ORC5: variants seen among roughly 807,000 people sequenced by gnomAD.
ORC5 encodes protein phosphatase 1, regulatory subunit 117.
Under a neutral mutation model 58.8 loss-of-function variants are expected in ORC5, and 39 were observed. That is an observed-to-expected ratio of 0.66 (90% CI 0.51 to 0.87). The LOEUF is 0.87. Ranked by LOEUF, ORC5 falls within the 40% of genes least tolerant of loss-of-function variation. The pLI, the probability that ORC5 is intolerant of heterozygous loss-of-function variation, is 0.00. For missense variants in ORC5, 493 were observed against 506.3 expected (o/e 0.97, Z 0.25); for synonymous variants, 218 against 177.6 (o/e 1.23, Z -1.81).
chr7:104,135,689 T>C (rs1473710101), intron 13 of ORC5, among the ~76,000 whole-genome samples: 1 of 152,182 alleles, frequency 6.6e-6, no homozygotes, highest in African/African-American at 2.4e-5. Flanking sequence ...CTTCAGAACC[T>C]CAAGAAGCTG....
chr7:104,195,315 T>G (rs1799774749), intron 4 of ORC5, 61 bp from the exon 5 acceptor site: 1 of 918,860 alleles, frequency 1.1e-6, no homozygotes. Flanking sequence ...GAGCAGTATT[T>G]CCATTTGGAT....
chr7:104,175,118 T>C (rs973587825), intron 8 of ORC5, among the ~76,000 whole-genome samples: 1 of 152,218 alleles, frequency 6.6e-6, no homozygotes, highest in Non-Finnish European at 1.5e-5. Flanking sequence ...TGCCTGTCTC[T>C]CCTTCTGCCT....
intron 5 of ORC5, among the ~76,000 whole-genome samples, chr7:104,193,731 A>AAC (rs71154397): frequency 1.3e-5 from 2 of 150,948 alleles, no homozygotes; most frequent in Admixed American, 6.6e-5. Context: ...AAAAAAAAAA[A>AAC]CAAAACTGAA....
chr7:104,127,954 T>C (rs1798455229), intron 13 of ORC5, among the ~76,000 whole-genome samples: 1 of 152,134 alleles, frequency 6.6e-6, no homozygotes, highest in Admixed American at 6.5e-5. Flanking sequence ...TTCCAAATGG[T>C]ATAAAACTGC....
intron 12 of ORC5, among the ~76,000 whole-genome samples, chr7:104,151,738 G>A (rs186492967): frequency 6.5e-4 from 99 of 152,276 alleles, no homozygotes; most frequent in African/African-American, 2.3e-3. Context: ...TAGAGAATAA[G>A]AACTAGAAAT....
chr7:104,144,380 T>C (rs1327032804), intron 12 of ORC5, among the ~76,000 whole-genome samples: 2 of 152,216 alleles, frequency 1.3e-5, no homozygotes, highest in Non-Finnish European at 2.9e-5. Context: ...TTCCTTTCTA[T>C]TATCCAATCC....
At chr7:104,171,307 T>C (rs1267939935) in intron 8 of ORC5, among the ~76,000 whole-genome samples, 1 of 152,228 alleles carries the variant, frequency 6.6e-6, no homozygotes, top group Non-Finnish European at 1.5e-5. Context: ...GGCTTTTCCA[T>C]GTTGTCTTTT....
intron 8 of ORC5, among the ~76,000 whole-genome samples, chr7:104,175,031 T>C (rs1799294467): frequency 6.6e-6 from 1 of 152,238 alleles, no homozygotes; most frequent in Non-Finnish European, 1.5e-5. Flanking sequence ...CTGCTTGGCC[T>C]TCCTCCAAGT....
rs28645598 is a variant in ORC5 at position 104,129,578 on chromosome 7, A to G, written c.1263-2685T>C. The stretch of plus-strand genomic sequence containing the variant: ...AGAATAATCACAGGGGCAACATAAA[A>G]AACTATGCCACACATCCGAAAGATA... On this transcript the variant is annotated intron_variant, in intron 13 of 13. Coordinates refer to ENST00000297431, the MANE Select transcript of ORC5 (RefSeq NM_002553.4). This position sits in a 1 kb window ranked among gnomAD's most constrained non-coding sequence, Gnocchi z 4.9. Among the ~76,000 whole-genome samples, 8,094 of 152,252 alleles carry G rather than the reference A, an allele frequency of 0.053. 709 individuals are homozygous for G. The highest frequency in any genetic ancestry group is 0.18 in the African/African-American group (7,634 of 41,514).
intron 5 of ORC5, among the ~76,000 whole-genome samples, chr7:104,193,942 AAATTT>A (rs1400192483): frequency 1.3e-5 from 2 of 151,626 alleles, no homozygotes; most frequent in Non-Finnish European, 2.9e-5. Flanking sequence ...AGAATTTTAA[AAATTT>A]AATTCTGTAA....
chr7:104,207,996 C>T lies in ORC5; in HGVS notation c.-92G>A. The T allele has an allele frequency of 8.3e-7, 1 of 1,210,934 alleles. No homozygotes were observed. 75.0% of individuals were successfully genotyped at this position (1,210,934 alleles called of 1,614,324 possible). A position where few individuals can be genotyped will look rare whatever the true frequency, so the allele number is the denominator to read the frequency against. ...CTCCCGAGTCTGGCGGCCCACGCTC[C>T]CGCCGGAAACCGGACCCGCAGCGTC... On this transcript the variant is annotated 5_prime_UTR_variant, in exon 1 of 14. Coordinates refer to ENST00000297431, the MANE Select transcript of ORC5 (RefSeq NM_002553.4).
intron 5 of ORC5, among the ~76,000 whole-genome samples, chr7:104,193,374 A>C (rs1333342765): frequency 6.6e-6 from 1 of 152,052 alleles, no homozygotes; most frequent in African/African-American, 2.4e-5. Context: ...AACATAACTT[A>C]ATCTATCCAA....
rs1443879576 is a variant in ORC5, at chr7:104,207,937, C to A, written c.-33G>T. 1.2e-6 allele frequency: 2 copies of A among 1,602,258 alleles called. No homozygotes were observed. The highest frequency in any genetic ancestry group is 1.3e-5 in the African/African-American group (1 of 74,796). ...GGCACCACCGCAGAGGCCAGTGCAG[C>A]CAGCCCACAGGACCCTTGCACAAGA... On this transcript the variant is annotated 5_prime_UTR_variant, in exon 1 of 14. Transcript: ENST00000297431.
chr7:104,128,502 A>T (rs948167442), intron 13 of ORC5, among the ~76,000 whole-genome samples: 4 of 152,010 alleles, frequency 2.6e-5, no homozygotes, highest in Admixed American at 6.6e-5. Flanking sequence ...CGGATATAAT[A>T]GACTACTTTT....
chr7:104,203,817 G>GA (rs759509310), intron 2 of ORC5, among the ~76,000 whole-genome samples: 58 of 151,736 alleles, frequency 3.8e-4, no homozygotes, highest in Middle Eastern at 3.4e-3. Flanking sequence ...GAAATACATG[G>GA]AAAAAAAACA....
chr7:104,152,684 A>G (rs1057302592), intron 12 of ORC5, among the ~76,000 whole-genome samples: 2 of 152,204 alleles, frequency 1.3e-5, no homozygotes, highest in Non-Finnish European at 2.9e-5. Context: ...AAAATCTGCC[A>G]AGTTAAATAA....
At chr7:104,204,466 A>G (rs971147169) in intron 1 of ORC5, among the ~76,000 whole-genome samples, 1 of 152,194 alleles carries the variant, frequency 6.6e-6, no homozygotes, top group Non-Finnish European at 1.5e-5. Flanking sequence ...TTTATTATGT[A>G]CTATATATTT....
chr7:104,183,380 G>C (rs922311575), intron 8 of ORC5, among the ~76,000 whole-genome samples: 1 of 152,116 alleles, frequency 6.6e-6, no homozygotes, highest in African/African-American at 2.4e-5. Flanking sequence ...CTGGCACCAA[G>C]GGACAATAAA....
chr7:104,149,384 T>C (rs1298077210), intron 12 of ORC5, among the ~76,000 whole-genome samples: 1 of 152,160 alleles, frequency 6.6e-6, no homozygotes, highest in Admixed American at 6.5e-5. Flanking sequence ...TTTTAGGGGA[T>C]TATATACTGC....
Sources: gnomAD v4.1 joint callset for allele counts (sites outside exome capture counted in the v4.1 genomes callset) on GRCh38, gnomAD v4.1.1 for gene constraint, Gnocchi (gnomAD v3.1) non-coding constraint, MANE v1.5 for transcripts, NCBI Gene and HGNC (gene_info 2026-07-23, HGNC 2026-07-21) for gene names.